PDE4B: variants seen among roughly 807,000 people sequenced by gnomAD.
The protein encoded by PDE4B is 3',5'-cyclic-AMP phosphodiesterase 4B.
A neutral mutation model predicts 82.2 loss-of-function variants in PDE4B; 20 were observed. The observed-to-expected ratio is 0.24, with a 90% CI of 0.17 to 0.35. PDE4B has a LOEUF of 0.35. Among genes scored for constraint, PDE4B ranks in the 10% least tolerant of loss-of-function variants. PDE4B has a pLI of 1.00. For synonymous variants in PDE4B, 320 were observed against 318.9 expected (o/e 1.00, Z -0.04); for missense variants, 655 against 907.2 (o/e 0.72, Z 3.57).
chr1:66,263,739 T>A (rs1654848310), intron 6 of PDE4B, among the ~76,000 whole-genome samples: 2 of 152,190 alleles, frequency 1.3e-5, no homozygotes, highest in African/African-American at 4.8e-5. Context: ...GAGGATGGCA[T>A]CCTTTGGAGA....
At position 66,181,489 on chromosome 1, in the gene PDE4B, T is replaced by C. The variant is rs140717068; in HGVS notation, c.282-65971T>C. Among the ~76,000 whole-genome samples the C allele has an allele frequency of 3.8e-3, 584 of 152,292 alleles. 3 individuals carry two copies. The highest frequency in any genetic ancestry group is 0.013 in the African/African-American group (550 of 41,566). ...ACATATCATATATACTGTTAGCTAATGGGATAACATAATGAGCTGATGATA... is the reference window on the plus strand; with the variant it reads ...ACATATCATATATACTGTTAGCTAACGGGATAACATAATGAGCTGATGATA... On this transcript the variant is annotated intron_variant, in intron 3 of 16. Coordinates refer to ENST00000341517, the MANE Select transcript of PDE4B (RefSeq NM_002600.4).
intron 7 of PDE4B, among the ~76,000 whole-genome samples, chr1:66,281,239 A>G (rs773378841): frequency 2.6e-5 from 4 of 152,248 alleles, no homozygotes; most frequent in African/African-American, 7.2e-5. Context: ...TTGATGGATT[A>G]CTTATTGCCC....
intron 3 of PDE4B, among the ~76,000 whole-genome samples, chr1:66,050,192 C>T (rs1654941491): frequency 6.6e-6 from 1 of 151,760 alleles, no homozygotes; most frequent in South Asian, 2.1e-4. Context: ...ATTCTATGTT[C>T]AATTGGAAAT....
At chr1:65,821,191 T>G (rs1193429339) in intron 1 of PDE4B, among the ~76,000 whole-genome samples, 2 of 152,246 alleles carry the variant, frequency 1.3e-5, no homozygotes, top group African/African-American at 2.4e-5. Context: ...CAGCTTATTC[T>G]GCCCCTAGAA....
intron 7 of PDE4B, among the ~76,000 whole-genome samples, chr1:66,282,375 G>A (rs770703348): frequency 2.6e-5 from 4 of 152,136 alleles, no homozygotes; most frequent in African/African-American, 7.2e-5. Flanking sequence ...TTTTTAGGAC[G>A]TAACAGAGCT....
intron 3 of PDE4B, among the ~76,000 whole-genome samples, chr1:65,981,340 A>G (rs571646394): frequency 6.6e-6 from 1 of 152,280 alleles, no homozygotes; most frequent in Non-Finnish European, 1.5e-5. Flanking sequence ...GTAAAAGTGC[A>G]TTCAGGCGAA....
In PDE4B at chr1:66,052,994, G is replaced by T. The variant is rs575326033; in HGVS notation, c.281+134159G>T. ...AAAGTGTCATTAGGAGTTTTATAGT[G>T]TAGAAAAATGTATTATTTCCGAGCC... On this transcript the variant is annotated intron_variant, in intron 3 of 16. Transcript: ENST00000341517. 4.6e-5 allele frequency among the ~76,000 whole-genome samples: 7 copies of T among 152,216 alleles called. No homozygotes were observed. In the East Asian group the frequency reaches 1.4e-3, roughly 29 times the overall value.
At chr1:66,188,240 G>A (rs1364955680) in intron 3 of PDE4B, among the ~76,000 whole-genome samples, 3 of 152,118 alleles carry the variant, frequency 2.0e-5, no homozygotes, top group Non-Finnish European at 4.4e-5. Context: ...TTGTTGAGGA[G>A]TGTTTTACTT....
intron 3 of PDE4B, among the ~76,000 whole-genome samples, chr1:65,998,276 T>C (rs964522528): frequency 5.9e-5 from 9 of 152,104 alleles, no homozygotes; most frequent in African/African-American, 2.2e-4. Flanking sequence ...CGAGTGAAAA[T>C]ACACATAGTT....
At chr1:65,946,291 G>T (rs780054832) in intron 3 of PDE4B, among the ~76,000 whole-genome samples, 1 of 151,978 alleles carries the variant, frequency 6.6e-6, no homozygotes, top group African/African-American at 2.4e-5. Flanking sequence ...TGCTGCTGGG[G>T]TCACCTGATT....
At chr1:65,866,432 C>G (rs1312994857) in intron 1 of PDE4B, among the ~76,000 whole-genome samples, 3 of 152,108 alleles carry the variant, frequency 2.0e-5, no homozygotes, top group East Asian at 1.9e-4. Context: ...TCCCCAGAAA[C>G]TTTTAAAAAA....
At chr1:65,854,903 G>C (rs756771155) in intron 1 of PDE4B, among the ~76,000 whole-genome samples, 28 of 151,222 alleles carry the variant, frequency 1.9e-4, no homozygotes, top group Non-Finnish European at 3.1e-4. Flanking sequence ...TTCTCTCTCT[G>C]AACTCCATTT....
At chr1:66,124,238 G>A (rs1444611230) in intron 3 of PDE4B, among the ~76,000 whole-genome samples, 1 of 152,192 alleles carries the variant, frequency 6.6e-6, no homozygotes, top group Non-Finnish European at 1.5e-5. Flanking sequence ...TGTGCTTACT[G>A]TTGCCATAGC....
intron 3 of PDE4B, among the ~76,000 whole-genome samples, chr1:66,161,839 A>G (rs770944086): frequency 1.9e-4 from 29 of 152,322 alleles, no homozygotes; most frequent in Admixed American, 9.8e-4. Context: ...GCAAAGAGCA[A>G]GGGATTTACA....
At chr1:66,212,770 G>T (rs1382766723) in intron 3 of PDE4B, among the ~76,000 whole-genome samples, 1 of 152,090 alleles carries the variant, frequency 6.6e-6, no homozygotes, top group African/African-American at 2.4e-5. Flanking sequence ...CCTGAGATCT[G>T]CTATAGACTC....
chr1:66,081,556 TAATA>T (rs1281082946), intron 3 of PDE4B, among the ~76,000 whole-genome samples: 1 of 152,176 alleles, frequency 6.6e-6, no homozygotes, highest in Non-Finnish European at 1.5e-5. Context: ...AAAGTGTATA[TAATA>T]AATAAAGAAA....
At chr1:66,162,964 G>A (rs1365880073) in intron 3 of PDE4B, among the ~76,000 whole-genome samples, 1 of 152,256 alleles carries the variant, frequency 6.6e-6, no homozygotes, top group East Asian at 1.9e-4. Flanking sequence ...GTTCTACTGT[G>A]GTCATGGAAA....
intron 1 of PDE4B, among the ~76,000 whole-genome samples, chr1:65,814,750 A>G (rs866365823): frequency 6.6e-6 from 1 of 151,758 alleles, no homozygotes; most frequent in African/African-American, 2.4e-5. Flanking sequence ...TTTTTTTCTT[A>G]TTGCTGTATG....
chr1:66,011,311 A>T (rs989243004), intron 3 of PDE4B, among the ~76,000 whole-genome samples: 3 of 151,690 alleles, frequency 2.0e-5, no homozygotes, highest in African/African-American at 7.2e-5. Context: ...GTAGGACAGT[A>T]ATAAGTGAAT....
Sources: gnomAD v4.1 joint callset for allele counts (sites outside exome capture counted in the v4.1 genomes callset) on GRCh38, gnomAD v4.1.1 for gene constraint, MANE v1.5 for transcripts, NCBI Gene and HGNC (gene_info 2026-07-23, HGNC 2026-07-21) for gene names.